The following ANKRD33B variants were observed in gnomAD, a reference collection of about 807,000 sequenced individuals.
The protein encoded by ANKRD33B is ankyrin repeat domain 33B, also known as ankyrin repeat domain-containing protein 33B.
A neutral mutation model predicts 21.5 loss-of-function variants in ANKRD33B; 6 were observed. The observed-to-expected ratio is 0.28, with a 90% CI of 0.15 to 0.55. The LOEUF is 0.55. Among genes scored for constraint, ANKRD33B ranks in the 20% least tolerant of loss-of-function variants. The pLI is 0.94. For synonymous variants in ANKRD33B, 347 were observed against 342.4 expected, an observed-to-expected ratio of 1.01 and a Z score of -0.15; for missense variants, 698 against 747.2, an observed-to-expected ratio of 0.93 and a Z score of 0.77.
chr5:10,638,002 A>G (rs1464279294), intron 2 of ANKRD33B, 26 bp from the exon 3 acceptor site: 1 of 1,535,034 alleles, frequency 6.5e-7, no homozygotes, highest in Non-Finnish European at 8.7e-7. Context: ...GTGGGAACCA[A>G]TACACGTGTA....
chr5:10,621,453 C>G (rs914779805), intron 2 of ANKRD33B, among the ~76,000 whole-genome samples: 6 of 152,210 alleles, frequency 3.9e-5, no homozygotes, highest in African/African-American at 1.4e-4. Context: ...TATGCTTCCC[C>G]CATTCTTTGT....
At chr5:10,591,134 G>A (rs1332278702) in intron 1 of ANKRD33B, among the ~76,000 whole-genome samples, 1 of 149,658 alleles carries the variant, frequency 6.7e-6, no homozygotes, top group Non-Finnish European at 1.5e-5. Flanking sequence ...TTGCTCTATT[G>A]CTTCAAAATG....
chr5:10,588,971 C>T (rs1447651846), intron 1 of ANKRD33B, among the ~76,000 whole-genome samples: 2 of 152,136 alleles, frequency 1.3e-5, no homozygotes, highest in African/African-American at 4.8e-5. Context: ...CTGTTCCCAG[C>T]TTGTCATGCT....
At chr5:10,641,778 A>G (rs1292559016) in intron 3 of ANKRD33B, among the ~76,000 whole-genome samples, 1 of 149,738 alleles carries the variant, frequency 6.7e-6, no homozygotes, top group Non-Finnish European at 1.5e-5. Context: ...TAGAGGCTTC[A>G]AAGATGAAAA....
chr5:10,594,808 G>T (rs1384151746), intron 1 of ANKRD33B, among the ~76,000 whole-genome samples: 1 of 152,206 alleles, frequency 6.6e-6, no homozygotes, highest in Non-Finnish European at 1.5e-5. Context: ...CCTTGTGTGT[G>T]GGTCCTTCGG....
chr5:10,616,416 T>A (rs142044075), intron 1 of ANKRD33B, among the ~76,000 whole-genome samples: 536 of 151,872 alleles, frequency 3.5e-3, no homozygotes, highest in Middle Eastern at 6.8e-3. Context: ...AATACAAAAT[T>A]AGCCGGGCGT....
chr5:10,568,880 A>G (rs13183750), intron 1 of ANKRD33B, among the ~76,000 whole-genome samples: 23,411 of 152,146 alleles, frequency 0.15, 1,999 homozygotes, highest in Non-Finnish European at 0.19. Flanking sequence ...TACGTTTTCC[A>G]AAGGCCCCTC....
Position 10,649,380 on chromosome 5 carries a change from G to T in ANKRD33B, c.752G>T (p.Cys251Phe). 6.5e-7 allele frequency: 1 copy of T among 1,535,494 alleles called. No individual in the cohort carries two copies. Among genetic ancestry groups the T allele is most frequent in the Non-Finnish European group, 8.7e-7 (1 of 1,146,710 alleles). ...RLMQRLLERP[C>F]PEQFWEKYRP... ...ATGCAGAGGCTGCTGGAGCGCCCCT[G>T]CCCGGAGCAGTTCTGGGAGAAGTAC... Residue 251 changes from cysteine to phenylalanine, a missense_variant, in exon 4 of 4, where the codon TGC (cysteine) becomes TTC (phenylalanine). This residue lies in a region of ANKRD33B where 543 missense variants were observed against 566.5 expected (regional missense o/e 0.96). Coordinates refer to ENST00000296657, the MANE Select transcript of ANKRD33B (RefSeq NM_001164440.2).
rs868521935 is a variant in ANKRD33B at position 10,653,598 on chromosome 5, G to A, written c.*3485G>A. 6.6e-6 allele frequency: 1 copy of A among 152,404 alleles called. No homozygotes were observed. The highest frequency in any genetic ancestry group is 2.4e-5 in the African/African-American group (1 of 41,412). The allele number at this position is 152,404 out of a possible 1,614,324, so 9.4% of individuals were successfully genotyped here. A position where few individuals can be genotyped will look rare whatever the true frequency, so the allele number is the denominator to read the frequency against. ...GTGTGGTCATCTGGTCGTAGAGGTG[G>A]ACAGAAACACCCCCTCGTCTTCCTG... On this transcript the variant is annotated 3_prime_UTR_variant, in exon 4 of 4. Coordinates refer to ENST00000296657, the MANE Select transcript of ANKRD33B (RefSeq NM_001164440.2).
At chr5:10,638,978 G>C (rs75012859) in intron 3 of ANKRD33B, among the ~76,000 whole-genome samples, 2,813 of 76,454 alleles carry the variant, frequency 0.037, 70 homozygotes, top group African/African-American at 0.11. Flanking sequence ...CGATGTTAGC[G>C]GGTGACGCGG....
intron 1 of ANKRD33B, among the ~76,000 whole-genome samples, chr5:10,603,752 ATATT>A (rs1374525523): frequency 5.3e-5 from 8 of 152,282 alleles, no homozygotes; most frequent in African/African-American, 1.9e-4. Flanking sequence ...TTTTAAATGT[ATATT>A]TATCTTATGG....
chr5:10,636,565 T>C (rs565080858), intron 2 of ANKRD33B, among the ~76,000 whole-genome samples: 95 of 152,194 alleles, frequency 6.2e-4, no homozygotes, highest in Non-Finnish European at 1.1e-3. Context: ...TACAGTGAGC[T>C]ATGATCGTGC....
chr5:10,645,306 A>G (rs953349533), intron 3 of ANKRD33B, among the ~76,000 whole-genome samples: 1 of 152,088 alleles, frequency 6.6e-6, no homozygotes, highest in Non-Finnish European at 1.5e-5. Context: ...AGAGTGGATA[A>G]CATGGGGGTG....
chr5:10,620,852 TAGTA>T (rs1736404789), intron 2 of ANKRD33B, among the ~76,000 whole-genome samples: 2 of 152,230 alleles, frequency 1.3e-5, no homozygotes, highest in Non-Finnish European at 1.5e-5. Context: ...CCTCTGTAAT[TAGTA>T]AGTAATCTGC....
chr5:10,623,778 G>T (rs1400279723), intron 2 of ANKRD33B, among the ~76,000 whole-genome samples: 1 of 152,240 alleles, frequency 6.6e-6, no homozygotes, highest in Non-Finnish European at 1.5e-5. Context: ...GGGCTATCCT[G>T]AGGGCAGCAT....
chr5:10,627,446 A>G (rs1439630040), intron 2 of ANKRD33B: 2 of 152,258 alleles, frequency 1.3e-5, no homozygotes, highest in Non-Finnish European at 2.9e-5. Flanking sequence ...ATTTAATTGT[A>G]AAATTCTGAG....
intron 1 of ANKRD33B, among the ~76,000 whole-genome samples, chr5:10,577,377 G>A (rs1182142309): frequency 2.0e-5 from 3 of 152,182 alleles, no homozygotes; most frequent in African/African-American, 7.2e-5. Flanking sequence ...TGATCCACCA[G>A]CCTCAGCCTC....
At chr5:10,571,214 T>C (rs1425524887) in intron 1 of ANKRD33B, among the ~76,000 whole-genome samples, 1 of 152,168 alleles carries the variant, frequency 6.6e-6, no homozygotes, top group Non-Finnish European at 1.5e-5. Context: ...TATTTATTTA[T>C]TTTTTTGAGA....
chr5:10,604,051 C>G (rs543295962), intron 1 of ANKRD33B, among the ~76,000 whole-genome samples: 1 of 152,024 alleles, frequency 6.6e-6, no homozygotes, highest in Non-Finnish European at 1.5e-5. Context: ...CCTGCCACCA[C>G]ACCCAGCTAA....
Sources: gnomAD v4.1 joint callset for allele counts (sites outside exome capture counted in the v4.1 genomes callset) on GRCh38, gnomAD v4.1.1 for gene constraint, gnomAD v4.1.1 regional missense constraint, MANE v1.5 for transcripts, NCBI Gene and HGNC (gene_info 2026-07-23, HGNC 2026-07-21) for gene names.